PSMB2: variants seen among roughly 807,000 people sequenced by gnomAD.
PSMB2 encodes the protein proteasome 20S subunit beta 2.
A neutral mutation model predicts 25.7 loss-of-function variants in PSMB2; 13 were observed. The observed-to-expected ratio is 0.51, with a 90% CI of 0.33 to 0.80. The LOEUF (loss-of-function observed/expected upper bound fraction) is 0.80. Among genes scored for constraint, PSMB2 ranks in the 30% least tolerant of loss-of-function variants. The pLI, the probability that PSMB2 is intolerant of heterozygous loss-of-function variation, is 0.02. For missense variants in PSMB2, 202 were observed against 259.0 expected, an observed-to-expected ratio of 0.78 and a Z score of 1.51; for synonymous variants, 87 against 96.2, an observed-to-expected ratio of 0.90 and a Z score of 0.56.
At chr1:35,623,426 T>A (rs1650752405) in intron 3 of PSMB2, among the ~76,000 whole-genome samples, 1 of 152,234 alleles carries the variant, frequency 6.6e-6, no homozygotes, top group South Asian at 2.1e-4. Context: ...CTGCTTGCAC[T>A]GACAGTCCAA....
At chr1:35,627,699 AC>A (rs1367858348) in intron 3 of PSMB2, among the ~76,000 whole-genome samples, 1 of 152,190 alleles carries the variant, frequency 6.6e-6, no homozygotes, top group African/African-American at 2.4e-5. Flanking sequence ...CTTCATAATA[AC>A]TTTTTGAAAT....
chr1:35,632,993 G>T (rs941565919), intron 2 of PSMB2, among the ~76,000 whole-genome samples: 8 of 152,134 alleles, frequency 5.3e-5, no homozygotes, highest in African/African-American at 1.7e-4. Context: ...GCCCAGGTGG[G>T]TGGATCACCT....
At position 35,641,369 on chromosome 1, in the gene PSMB2, C is replaced by T. The variant is rs775423195; in HGVS notation, c.64G>A (p.Ala22Thr). 6 of 1,613,952 alleles carry T rather than the reference C, an allele frequency of 3.7e-6. No individual in the cohort carries two copies. The highest frequency in any genetic ancestry group is 1.6e-4 in the Middle Eastern group (1 of 6,082). The change falls in exon 1 of 6, where the codon GCC (alanine) becomes ACC (threonine). Residue 22 changes from alanine (A) to threonine (T), a missense_variant. By Grantham distance (58) the Ala-to-Thr change is moderately conservative. Coordinates refer to ENST00000373237, the MANE Select transcript of PSMB2 (RefSeq NM_002794.5). ...TCCTTCATCTGGACAATATTGCTGGCGGCCACCCGGTCGGAGGCGACAAGA... is the reference window on the plus strand; with the variant it reads ...TCCTTCATCTGGACAATATTGCTGGTGGCCACCCGGTCGGAGGCGACAAGA... ...YVLVASDRVA[A>T]SNIVQMKDDH...
At chr1:35,635,777 AGAGATCGCGCCATTGCAC>A (rs1435408658) in intron 2 of PSMB2, among the ~76,000 whole-genome samples, 1 of 148,782 alleles carries the variant, frequency 6.7e-6, no homozygotes, top group African/African-American at 2.5e-5. Flanking sequence ...TGCAGTAAGC[AGAGATCGCGCCATTGCAC>A]TCCAGCCTGG....
chr1:35,615,824 A>C (rs1232243278), intron 3 of PSMB2, among the ~76,000 whole-genome samples: 5 of 152,194 alleles, frequency 3.3e-5, no homozygotes, highest in Non-Finnish European at 5.9e-5. Context: ...TGGAATGCTA[A>C]GCAGTGTGTG....
chr1:35,611,796 C>A (rs1190165202), intron 3 of PSMB2, among the ~76,000 whole-genome samples: 2 of 151,780 alleles, frequency 1.3e-5, no homozygotes, highest in African/African-American at 4.8e-5. Context: ...TGCACCACTC[C>A]AGCCTGGGCA....
intron 2 of PSMB2, among the ~76,000 whole-genome samples, chr1:35,635,157 G>T (rs930241672): frequency 1.3e-5 from 2 of 151,950 alleles, no homozygotes; most frequent in Non-Finnish European, 2.9e-5. Flanking sequence ...TACTTGGGAG[G>T]CTGAGGCAGG....
chr1:35,621,122 GACT>G (rs772568723), intron 3 of PSMB2, among the ~76,000 whole-genome samples: 7 of 152,090 alleles, frequency 4.6e-5, no homozygotes, highest in Non-Finnish European at 1.0e-4. Flanking sequence ...TCCCTGCCTT[GACT>G]ACTGTTAACA....
intron 3 of PSMB2, among the ~76,000 whole-genome samples, chr1:35,613,527 G>T (rs1650397912): frequency 1.3e-5 from 2 of 152,268 alleles, no homozygotes; most frequent in East Asian, 1.9e-4. Flanking sequence ...CAAATAAAAA[G>T]AAAAGTCACT....
At chr1:35,634,525 CA>C (rs1237310435) in intron 2 of PSMB2, among the ~76,000 whole-genome samples, 1 of 151,650 alleles carries the variant, frequency 6.6e-6, no homozygotes, top group Non-Finnish European at 1.5e-5. Context: ...TATGGGTGTG[CA>C]CCACTGCACC....
chr1:35,607,857 T>C (rs1448733467), intron 4 of PSMB2, among the ~76,000 whole-genome samples: 2 of 152,196 alleles, frequency 1.3e-5, no homozygotes, highest in Non-Finnish European at 2.9e-5. Flanking sequence ...CATGAAATAC[T>C]ATTCATCCAT....
At chr1:35,620,502 G>GTATT (rs1185770491) in intron 3 of PSMB2, among the ~76,000 whole-genome samples, 3 of 151,974 alleles carry the variant, frequency 2.0e-5, no homozygotes, top group African/African-American at 4.8e-5. Flanking sequence ...CCCACTGCTT[G>GTATT]TATTTATTTA....
At chr1:35,635,306 T>C (rs916252343) in intron 2 of PSMB2, among the ~76,000 whole-genome samples, 4 of 150,616 alleles carry the variant, frequency 2.7e-5, no homozygotes, top group African/African-American at 9.8e-5. Context: ...GAGGTGTCAC[T>C]ACATTGCTCA....
chr1:35,636,129 T>C (rs523743), intron 2 of PSMB2, among the ~76,000 whole-genome samples, 181 bp downstream of exon 2: 152,031 of 152,314 alleles, frequency 1, 75,878 homozygotes, highest in Middle Eastern at 1. Context: ...AGAAGATGGC[T>C]ATCTGCAAGC....
Position 35,600,359 on chromosome 1 carries a change from T to A in PSMB2, c.*2908A>T. The A allele has an allele frequency of 1.2e-6, 1 of 832,928 alleles. No individual in the cohort carries two copies. Among genetic ancestry groups the A allele is most frequent in the Non-Finnish European group, 1.4e-6 (1 of 691,144 alleles). 51.6% of individuals were successfully genotyped at this position (832,928 alleles called of 1,614,324 possible). ...AAAGCCTGGAGCTTAGTAATACTAA[T>A]ACACCAACCAATGTTGGTTTCTCAG... is the stretch of plus-strand genomic sequence containing the variant. On this transcript the variant is annotated 3_prime_UTR_variant, in exon 6 of 6. Transcript: ENST00000373237.
At chr1:35,634,363 C>T (rs1399546089) in intron 2 of PSMB2, among the ~76,000 whole-genome samples, 2 of 149,056 alleles carry the variant, frequency 1.3e-5, no homozygotes, top group Non-Finnish European at 2.9e-5. Flanking sequence ...TTTTTTGACG[C>T]TGAGATTCAG....
chr1:35,628,648 T>TTTTATA (rs1553125213), intron 3 of PSMB2, among the ~76,000 whole-genome samples: 1 of 34,716 alleles, frequency 2.9e-5, no homozygotes, highest in Non-Finnish European at 8.6e-5. Context: ...TTTTTTTTTT[T>TTTTATA]AAAGAAAAGA....
At chr1:35,605,724 CTGTT>C (rs1400198349) in intron 4 of PSMB2, among the ~76,000 whole-genome samples, 1 of 152,192 alleles carries the variant, frequency 6.6e-6, no homozygotes, top group Non-Finnish European at 1.5e-5. Flanking sequence ...AGCTGGGTCT[CTGTT>C]TAACAATGGG....
intron 3 of PSMB2, among the ~76,000 whole-genome samples, chr1:35,628,592 AAAAAATATATATAT>A (rs1417752991): frequency 2.5e-3 from 48 of 19,084 alleles, no homozygotes; most frequent in South Asian, 0.018. Flanking sequence ...AAAAAAAAAA[AAAAAATATATATAT>A]ATATATATAT....
Sources: allele counts gnomAD v4.1 joint callset (sites outside exome capture counted in the v4.1 genomes callset), GRCh38; gene constraint gnomAD v4.1.1; transcripts MANE v1.5; gene names NCBI Gene and HGNC (gene_info 2026-07-23, HGNC 2026-07-21).